Variants in ADAMTS19 observed in about 807,000 individuals in gnomAD.
ADAMTS19 encodes the protein ADAM metallopeptidase with thrombospondin type 1 motif 19, also known as A disintegrin and metalloproteinase with thrombospondin motifs 19.
In ADAMTS19, 93 loss-of-function variants were observed where a neutral mutation model predicts 153.3. That is an observed-to-expected ratio of 0.61 (90% CI 0.51 to 0.72). The LOEUF (loss-of-function observed/expected upper bound fraction) is 0.72, where lower values mean the gene tolerates loss of function less well. ADAMTS19 is among the 30% of genes least tolerant of loss of function. The probability of loss-of-function intolerance (pLI) is 0.00; values close to 1 mark genes in which losing one functional copy is unlikely to be tolerated. For synonymous variants in ADAMTS19, 600 were observed against 556.6 expected, an observed-to-expected ratio of 1.08 and a Z score of -1.10; for missense variants, 1,482 against 1,552.1, an observed-to-expected ratio of 0.95 and a Z score of 0.76.
At position 129,557,493 on chromosome 5, in the gene ADAMTS19, G is replaced by C. The variant is rs536847865; in HGVS notation, c.1372+5586G>C. ...CACGCACCTGTAATCCCAGCTACTT[G>C]GGAGGCTGAGGCAGGATGATCGCTT... On this transcript the variant is annotated intron_variant, in intron 7 of 22. Coordinates refer to ENST00000274487, the MANE Select transcript of ADAMTS19 (RefSeq NM_133638.6). Among the ~76,000 whole-genome samples the C allele has an allele frequency of 2.6e-3, 389 of 152,218 alleles. 3 individuals carry two copies. Among genetic ancestry groups the C allele is most frequent in the African/African-American group, 7.4e-3 (307 of 41,544 alleles).
At position 129,701,540 on chromosome 5, in the gene ADAMTS19, G is replaced by A. The variant is rs769134309; in HGVS notation, c.3107G>A (p.Arg1036His). 1.6e-5 allele frequency: 26 copies of A among 1,614,064 alleles called. No individual in the cohort carries two copies. Among genetic ancestry groups the A allele is most frequent in the East Asian group, 1.6e-4 (7 of 44,884 alleles). The change falls in exon 20 of 23, where the codon CGC becomes CAC. Residue 1036 changes from arginine to histidine, a missense_variant. By Grantham distance (29) the Arg-to-His change is conservative. Coordinates refer to ENST00000274487, the MANE Select transcript of ADAMTS19 (RefSeq NM_133638.6). ...CIGPKPASAQ[R>H]CEGQDCMTVW... ...GGGCCCAAGCCCGCCTCTGCCCAGCGCTGTGAGGGCCAGGACTGCATGACC... is the reference window on the plus strand; with the variant it reads ...GGGCCCAAGCCCGCCTCTGCCCAGCACTGTGAGGGCCAGGACTGCATGACC...
rs181558448 is a variant in ADAMTS19 at position 129,500,752 on chromosome 5, C to G, written c.748-8325C>G. Among the ~76,000 whole-genome samples, 184 of 152,066 alleles carry G rather than the reference C, an allele frequency of 1.2e-3. 3 individuals are homozygous for G. The highest frequency in any genetic ancestry group is 0.012 in the Admixed American group (179 of 15,232). ...GTGTAAGTTGATGATGGGCCTTGAC[C>G]ACCTTGTTCACTACTGTTCCCTGAG... On this transcript the variant is annotated intron_variant, in intron 2 of 22. Transcript: ENST00000274487.
intron 7 of ADAMTS19, among the ~76,000 whole-genome samples, chr5:129,592,883 T>G (rs913921100): frequency 5.3e-5 from 8 of 152,180 alleles, no homozygotes; most frequent in Admixed American, 2.6e-4. Flanking sequence ...TGGTATGATA[T>G]TTTTGATACA....
intron 8 of ADAMTS19, among the ~76,000 whole-genome samples, chr5:129,598,420 C>T (rs1157976300): frequency 6.6e-6 from 1 of 152,160 alleles, no homozygotes; most frequent in Non-Finnish European, 1.5e-5. Flanking sequence ...AAACAATTTA[C>T]ATTGGACATG....
intron 2 of ADAMTS19, among the ~76,000 whole-genome samples, chr5:129,482,507 G>A (rs1750450657): frequency 6.6e-6 from 1 of 152,056 alleles, no homozygotes; most frequent in African/African-American, 2.4e-5. Flanking sequence ...CAGAAAATAG[G>A]TTTCTTAATT....
At chr5:129,736,986 C>T in intron 22 of ADAMTS19, 81 bp from the exon 23 acceptor site, 2 of 1,341,662 alleles carry the variant, frequency 1.5e-6, no homozygotes, top group Non-Finnish European at 2.0e-6. Context: ...CAAAATCCGC[C>T]CCACTTAAAC....
intron 7 of ADAMTS19, among the ~76,000 whole-genome samples, chr5:129,595,389 C>T (rs1424646514): frequency 6.6e-6 from 1 of 152,088 alleles, no homozygotes; most frequent in African/African-American, 2.4e-5. Context: ...TCCTATACTT[C>T]CCTGAATCTT....
chr5:129,607,509 C>T (rs531225929), intron 8 of ADAMTS19, among the ~76,000 whole-genome samples: 70 of 152,044 alleles, frequency 4.6e-4, no homozygotes, highest in African/African-American at 1.7e-3. Context: ...CAATTGAGTC[C>T]CAGAGTGGAA....
intron 16 of ADAMTS19, among the ~76,000 whole-genome samples, chr5:129,667,558 T>C (rs995017810): frequency 6.6e-6 from 1 of 152,084 alleles, no homozygotes; most frequent in African/African-American, 2.4e-5. Flanking sequence ...TGATTTCACG[T>C]GAGATCTGGT....
chr5:129,507,968 C>T (rs372420096), intron 2 of ADAMTS19, among the ~76,000 whole-genome samples: 1 of 151,756 alleles, frequency 6.6e-6, no homozygotes, highest in Admixed American at 6.6e-5. Context: ...ACTAATAATT[C>T]AAACAAATTA....
At chr5:129,585,508 T>G (rs1056822179) in intron 7 of ADAMTS19, among the ~76,000 whole-genome samples, 2 of 152,164 alleles carry the variant, frequency 1.3e-5, no homozygotes, top group African/African-American at 4.8e-5. Flanking sequence ...AAATAACTTT[T>G]GAACACTTGT....
At chr5:129,558,174 C>G (rs1034521256) in intron 7 of ADAMTS19, among the ~76,000 whole-genome samples, 2 of 152,018 alleles carry the variant, frequency 1.3e-5, no homozygotes, top group African/African-American at 4.8e-5. Context: ...CTTTTAGAAT[C>G]AGAAACAAGG....
chr5:129,515,795 T>C (rs1751584524), intron 3 of ADAMTS19, among the ~76,000 whole-genome samples: 1 of 151,998 alleles, frequency 6.6e-6, no homozygotes, highest in South Asian at 2.1e-4. Context: ...TCTTGACTGA[T>C]TGTTCTAGCT....
rs1360506842 is a variant in ADAMTS19, at chr5:129,658,752, T to C, written c.2425+15T>C. Reference sequence around the variant, plus strand: ...CAGAGGAGCAGGTAATTTTTCTTTATTTTTTCATAAATATTAATCCCTGCA... The same window carrying C: ...CAGAGGAGCAGGTAATTTTTCTTTACTTTTTCATAAATATTAATCCCTGCA... On this transcript the variant is annotated intron_variant, in intron 15 of 22. Coordinates refer to ENST00000274487, the MANE Select transcript of ADAMTS19 (RefSeq NM_133638.6). The C allele has an allele frequency of 6.3e-7, 1 of 1,596,726 alleles. No homozygotes were observed. Among genetic ancestry groups the C allele is most frequent in the South Asian group, 1.1e-5 (1 of 87,224 alleles).
chr5:129,734,905 C>A, intron 21 of ADAMTS19, 27 bp from the exon 22 acceptor site: 1 of 1,494,858 alleles, frequency 6.7e-7, no homozygotes, highest in South Asian at 1.4e-5. Flanking sequence ...TAAAAAAGAA[C>A]CTAAACAAAC....
intron 7 of ADAMTS19, among the ~76,000 whole-genome samples, chr5:129,562,185 C>T (rs570259516): frequency 6.6e-6 from 1 of 152,290 alleles, no homozygotes; most frequent in Admixed American, 6.5e-5. Flanking sequence ...AACAATCTCA[C>T]AGTACTTTTA....
At chr5:129,660,860 T>C (rs997530372) in intron 15 of ADAMTS19, among the ~76,000 whole-genome samples, 1 of 152,208 alleles carries the variant, frequency 6.6e-6, no homozygotes. Context: ...AAGGTCTACA[T>C]GTGTTGTCCC....
chr5:129,461,033 C>T lies in ADAMTS19; in HGVS notation c.92-69C>T. On this transcript the variant is annotated intron_variant, in intron 1 of 22. Coordinates refer to ENST00000274487, the MANE Select transcript of ADAMTS19 (RefSeq NM_133638.6). This position sits in a 1 kb window ranked among gnomAD's most constrained non-coding sequence, Gnocchi z 4.6. Reference sequence around the variant, plus strand: ...GCGCCCTGTATCTATGGACTGTGAGCTTGGAAATGTTTGTGCTACTGGAAC... The same window carrying T: ...GCGCCCTGTATCTATGGACTGTGAGTTTGGAAATGTTTGTGCTACTGGAAC... The T allele has an allele frequency of 2.3e-6, 3 of 1,282,978 alleles. No homozygotes were observed. Among genetic ancestry groups the T allele is most frequent in the Non-Finnish European group, 2.9e-6 (3 of 1,017,384 alleles). 79.5% of individuals were successfully genotyped at this position (1,282,978 alleles called of 1,614,324 possible).
chr5:129,561,905 GTATT>G (rs984332981), intron 7 of ADAMTS19, among the ~76,000 whole-genome samples: 5 of 152,016 alleles, frequency 3.3e-5, no homozygotes, highest in African/African-American at 1.2e-4. Context: ...TATCAGAAAA[GTATT>G]TAAGTTTTGA....
Sources: allele counts gnomAD v4.1 joint callset (sites outside exome capture counted in the v4.1 genomes callset), GRCh38; gene constraint gnomAD v4.1.1; non-coding constraint Gnocchi (gnomAD v3.1); transcripts MANE v1.5; gene names NCBI Gene and HGNC (gene_info 2026-07-23, HGNC 2026-07-21).